ZNF2: variants seen among roughly 807,000 people sequenced by gnomAD.
ZNF2 encodes the protein zinc finger protein 2.2.
In ZNF2, 12 loss-of-function variants were observed where a neutral mutation model predicts 21.9. The ratio of observed to expected loss-of-function variants is 0.55; its 90% CI spans 0.35 to 0.89. The LOEUF is 0.89. ZNF2 is among the 40% of genes least tolerant of loss of function. The pLI is 0.01. For synonymous variants in ZNF2, 186 were observed against 196.3 expected (o/e 0.95, Z 0.44); for missense variants, 462 against 544.2 (o/e 0.85, Z 1.50).
intron 3 of ZNF2, among the ~76,000 whole-genome samples, chr2:95,179,455 G>A (rs369795806): frequency 2.5e-4 from 38 of 152,192 alleles, no homozygotes; most frequent in African/African-American, 8.7e-4. Flanking sequence ...AAAGCACAAT[G>A]TTCAAGGCAA....
Position 95,183,169 on chromosome 2 carries a change from C to T in ZNF2, c.*1063C>T, listed in dbSNP as rs1200492180. ...GGTACAGTAACAAGCCCGCAGAGAGCTATGTCTCCCTTAAAACCTGACGGG... is the reference window on the plus strand; with the variant it reads ...GGTACAGTAACAAGCCCGCAGAGAGTTATGTCTCCCTTAAAACCTGACGGG... On this transcript the variant is annotated 3_prime_UTR_variant, in exon 5 of 5. Coordinates refer to ENST00000614034, the MANE Select transcript of ZNF2 (RefSeq NM_021088.4). 6.6e-6 allele frequency: 1 copy of T among 152,236 alleles called. No homozygotes were observed. Among genetic ancestry groups the T allele is most frequent in the Non-Finnish European group, 1.5e-5 (1 of 68,054 alleles). The allele number at this position is 152,236 out of a possible 1,614,324, so 9.4% of individuals were successfully genotyped here. A position where few individuals can be genotyped will look rare whatever the true frequency, so the allele number is the denominator to read the frequency against.
At chr2:95,180,418 T>C in intron 4 of ZNF2, 146 bp downstream of exon 4, 1 of 574,382 alleles carries the variant, frequency 1.7e-6, no homozygotes, top group Non-Finnish European at 3.1e-6. Flanking sequence ...GCTTTTATTT[T>C]TTTCCCTCTA....
intron 1 of ZNF2, among the ~76,000 whole-genome samples, chr2:95,170,890 CTGGTTTA>C (rs769929953): frequency 2.0e-4 from 30 of 152,102 alleles, no homozygotes; most frequent in Non-Finnish European, 3.8e-4. Flanking sequence ...CTAGAATTAC[CTGGTTTA>C]TTCCCATTCC....
rs528850675 is a variant in ZNF2 at position 95,174,779 on chromosome 2, G to A, written c.-39-1409G>A. On this transcript the variant is annotated intron_variant, in intron 1 of 4. Coordinates refer to ENST00000614034, the MANE Select transcript of ZNF2 (RefSeq NM_021088.4). ...TTTACTTGTTTGTTCTCTGTGCTAA[G>A]CTATAGCTTCTGGAGGACAAAGACA... Among the ~76,000 whole-genome samples, 4 of 152,296 alleles carry A rather than the reference G, an allele frequency of 2.6e-5. No individual in the cohort carries two copies. The South Asian group carries it at 8.3e-4, about 32-fold the overall frequency.
rs762984924 is a variant in ZNF2, at chr2:95,181,498, A to G, written c.670A>G (p.Thr224Ala). 1.9e-5 allele frequency: 30 copies of G among 1,614,026 alleles called. No individual in the cohort carries two copies. The highest frequency in any genetic ancestry group is 4.0e-5 in the African/African-American group (3 of 74,910). ...CCTCAGCAGACATCTGATGTCACAC[A>G]CTGGGGAGAGCCCCTACGAGTGCAG... ...SSLSRHLMSH[T>A]GESPYECSVC... Residue 224 changes from threonine (T) to alanine (A), a missense_variant, in exon 5 of 5, where the codon ACT (threonine) becomes GCT (alanine). Transcript: ENST00000614034.
rs1336190796 is a variant in ZNF2 at position 95,181,638 on chromosome 2, A to G, written c.810A>G (p.Ser270=). The G allele has an allele frequency of 1.2e-6, 2 of 1,614,108 alleles. No individual in the cohort carries two copies. Among genetic ancestry groups the G allele is most frequent in the Non-Finnish European group, 1.7e-6 (2 of 1,180,034 alleles). The change falls in exon 5 of 5, where the codon TCA becomes TCG. Residue 270 remains serine, a synonymous_variant. Coordinates refer to ENST00000614034, the MANE Select transcript of ZNF2 (RefSeq NM_021088.4). ...GTGGAAAAGCCTTTTTTGACCGTTC[A>G]TCCCTTACTCGACACCAGAGAATTC... ...NECGKAFFDR[S]SLTRHQRIHT...
intron 1 of ZNF2, among the ~76,000 whole-genome samples, chr2:95,167,613 C>T (rs573150302): frequency 6.6e-6 from 1 of 150,624 alleles, no homozygotes; most frequent in Non-Finnish European, 1.5e-5. Flanking sequence ...TTTGGGAAGC[C>T]GAGGTGGGCA....
At chr2:95,176,289 C>T in intron 2 of ZNF2, 30 bp downstream of exon 2, 2 of 1,614,032 alleles carry the variant, frequency 1.2e-6, no homozygotes, top group Admixed American at 1.7e-5. Flanking sequence ...TCCCGAAATA[C>T]TCCATTCATC....
At position 95,180,194 on chromosome 2, in the gene ZNF2, T is replaced by C. The variant is rs2104508748; in HGVS notation, c.196T>C (p.Leu66=). ...PVPQPDVIFQ[L]KRGDKPWMVD... ...TCCTCAACCTGATGTGATTTTCCAA[T>C]TGAAGAGAGGGGACAAGCCGTGGAT... The change falls in exon 4 of 5, where the codon TTG becomes CTG. Residue 66 remains leucine, a synonymous_variant. Transcript: ENST00000614034. 1 of 1,614,152 alleles carries C rather than the reference T, an allele frequency of 6.2e-7. No homozygotes were observed. The highest frequency in any genetic ancestry group is 8.5e-7 in the Non-Finnish European group (1 of 1,180,002).
chr2:95,172,969 T>C (rs1284705100), intron 1 of ZNF2, among the ~76,000 whole-genome samples: 1 of 151,824 alleles, frequency 6.6e-6, no homozygotes, highest in Admixed American at 6.6e-5. Flanking sequence ...TTGTTGATTT[T>C]TTTTTTTTTT....
At chr2:95,176,882 C>T (rs577591383) in intron 2 of ZNF2, among the ~76,000 whole-genome samples, 1 of 150,848 alleles carries the variant, frequency 6.6e-6, no homozygotes, top group South Asian at 2.1e-4. Context: ...AGGGATCCTA[C>T]AGATGATCTA....
chr2:95,175,350 G>C (rs1458517137), intron 1 of ZNF2, among the ~76,000 whole-genome samples: 4 of 152,208 alleles, frequency 2.6e-5, no homozygotes, highest in Non-Finnish European at 5.9e-5. Flanking sequence ...GCTAGGCGAG[G>C]TGAGGGCTTC....
At chr2:95,166,757 G>A (rs1210170050) in intron 1 of ZNF2, among the ~76,000 whole-genome samples, 1 of 152,172 alleles carries the variant, frequency 6.6e-6, no homozygotes. Context: ...GTTTGAATTT[G>A]GGACACCTGG....
At chr2:95,170,169 C>T (rs1229533320) in intron 1 of ZNF2, among the ~76,000 whole-genome samples, 1 of 152,114 alleles carries the variant, frequency 6.6e-6, no homozygotes, top group African/African-American at 2.4e-5. Context: ...TCTTAACAGA[C>T]CAAAAAGGAA....
At chr2:95,168,777 C>T (rs1474888408) in intron 1 of ZNF2, among the ~76,000 whole-genome samples, 1 of 152,210 alleles carries the variant, frequency 6.6e-6, no homozygotes, top group Non-Finnish European at 1.5e-5. Context: ...TCCAAGGCTT[C>T]ATGGTTAATA....
At chr2:95,167,666 G>A (rs544331969) in intron 1 of ZNF2, among the ~76,000 whole-genome samples, 46 of 151,810 alleles carry the variant, frequency 3.0e-4, no homozygotes, top group Admixed American at 2.0e-3. Context: ...TGGCCAACAT[G>A]GTGAAACCCC....
intron 4 of ZNF2, 118 bp downstream of exon 4, chr2:95,180,390 A>G (rs1305421490): frequency 4.5e-6 from 3 of 659,964 alleles, no homozygotes; most frequent in African/African-American, 1.8e-5. Flanking sequence ...TTTATTATTT[A>G]TTGTATATCA....
chr2:95,181,733 G>A lies in ZNF2; in HGVS notation c.905G>A (p.Arg302His), dbSNP rs1251623426. Reference protein sequence around the residue: ...KAFSQKSILTRHQLIHTGRKP... With the variant: ...KAFSQKSILTHHQLIHTGRKP... ...TTTAGCCAGAAAAGTATTCTTACTC[G>A]CCATCAGCTAATCCACACTGGCAGG... is the stretch of plus-strand genomic sequence containing the variant. The change falls in exon 5 of 5, where the codon CGC becomes CAC. Residue 302 changes from arginine (R) to histidine (H), a missense_variant. Physicochemically the swap from Arg to His is conservative, Grantham distance 29 (BLOSUM62 0). Coordinates refer to ENST00000614034, the MANE Select transcript of ZNF2 (RefSeq NM_021088.4). 27 of 1,614,026 alleles carry A rather than the reference G, an allele frequency of 1.7e-5. No individual in the cohort carries two copies. Among genetic ancestry groups the A allele is most frequent in the Non-Finnish European group, 2.1e-5 (25 of 1,180,036 alleles).
At chr2:95,166,498 G>T (rs531012690) in intron 1 of ZNF2, among the ~76,000 whole-genome samples, 1 of 152,280 alleles carries the variant, frequency 6.6e-6, no homozygotes, top group South Asian at 2.1e-4. Context: ...GCTTATATAG[G>T]TGTGATCCAG....
Sources: gnomAD v4.1 joint callset for allele counts (sites outside exome capture counted in the v4.1 genomes callset) on GRCh38, gnomAD v4.1.1 for gene constraint, MANE v1.5 for transcripts, NCBI Gene and HGNC (gene_info 2026-07-23, HGNC 2026-07-21) for gene names.